The following PRDM10 variants were observed in gnomAD, a reference collection of about 807,000 sequenced individuals.
The protein encoded by PRDM10 is PR/SET domain 10.
PRDM10 carries 65 observed loss-of-function variants against 133.1 expected under a neutral mutation model. That is an observed-to-expected ratio of 0.49 (90% CI 0.40 to 0.60). PRDM10 has a LOEUF of 0.60. PRDM10 is among the 20% of genes least tolerant of loss of function. The pLI, the probability that PRDM10 is intolerant of heterozygous loss-of-function variation, is 0.00. For synonymous variants in PRDM10, 582 were observed against 580.4 expected (o/e 1.00, Z -0.04); for missense variants, 1,137 against 1,507.1 (o/e 0.75, Z 4.07).
In PRDM10 at chr11:129,932,185, C is replaced by T; in HGVS notation, c.1204G>A (p.Gly402Ser). The T allele has an allele frequency of 6.2e-7, 1 of 1,614,138 alleles. No individual in the cohort carries two copies. Among genetic ancestry groups the T allele is most frequent in the South Asian group, 1.1e-5 (1 of 91,076 alleles). ...TTTGGAGGACGCCCCGGCCGTCGAC[C>T]TGGACCGAATCGCCTCTTGCCTCGT... ...RGRGKRRFGP[G>S]RRPGRPPKFI... The change falls in exon 10 of 21, where the codon GGT becomes AGT. Residue 402 changes from glycine to serine, a missense_variant. Transcript: ENST00000360871.
Position 129,945,403 on chromosome 11 carries a change from T to C in PRDM10, c.521-391A>G, listed in dbSNP as rs1352896768. The stretch of plus-strand genomic sequence containing the variant: ...ATAGGTGAATTTTATAGTATGCCCA[T>C]TATCTCAATAAAACTATTCCGGGGC... On this transcript the variant is annotated intron_variant, in intron 5 of 20. Transcript: ENST00000360871. The surrounding 1 kb of genome is among the most constrained non-coding windows in gnomAD (Gnocchi z 4.2). 1.3e-5 allele frequency among the ~76,000 whole-genome samples: 2 copies of C among 152,204 alleles called. No individual in the cohort carries two copies. The highest frequency in any genetic ancestry group is 2.4e-5 in the African/African-American group (1 of 41,446).
intron 1 of PRDM10, among the ~76,000 whole-genome samples, chr11:129,989,194 C>T (rs1938595029): frequency 1.3e-5 from 2 of 151,972 alleles, no homozygotes; most frequent in African/African-American, 4.8e-5. Flanking sequence ...AATCCCAGCA[C>T]TTTGGGAGGC....
chr11:129,947,229 C>T lies in PRDM10; in HGVS notation c.436G>A (p.Glu146Lys). The T allele has an allele frequency of 6.2e-7, 1 of 1,614,174 alleles. No homozygotes were observed. Among genetic ancestry groups the T allele is most frequent in the South Asian group, 1.1e-5 (1 of 91,082 alleles). ...TCCTCACCGTCTTCTTCCTCATCTT[C>T]CTCAGTGTCCTCGTCCTCATCCTCA... ...EDEDEDEDTE[E>K]DEEEDGEDTD... is the part of the protein sequence containing the mutation. Residue 146 changes from glutamate (E) to lysine (K), a missense_variant, in exon 5 of 21, where the codon GAA (glutamate) becomes AAA (lysine). By Grantham distance (56) the Glu-to-Lys change is moderately conservative. Coordinates refer to ENST00000360871, the MANE Select transcript of PRDM10 (RefSeq NM_199437.2). The surrounding 1 kb of genome is among the most constrained non-coding windows in gnomAD (Gnocchi z 4.6).
chr11:129,963,071 T>A lies in PRDM10; in HGVS notation c.-118-1989A>T, dbSNP rs1217463617. Among the ~76,000 whole-genome samples the A allele has an allele frequency of 2.7e-4, 41 of 149,636 alleles. 1 individual carries two copies. Among genetic ancestry groups the A allele is most frequent in the Admixed American group, 2.6e-3 (39 of 14,956 alleles). On this transcript the variant is annotated intron_variant, in intron 1 of 20. Transcript: ENST00000360871. ...GTCTGAGGTGGAAGGATCGCTTGAG[T>A]CTGGGAGGCGGAGGTTACAGTGAGC...
At chr11:129,914,465 C>G in intron 17 of PRDM10, 2 of 598,456 alleles carry the variant, frequency 3.3e-6, no homozygotes, top group Non-Finnish European at 6.0e-6. Context: ...TGCCACAGCA[C>G]AGGAGGCTTG....
chr11:129,905,865 G>A, intron 19 of PRDM10, 124 bp from the exon 20 acceptor site: 1 of 799,596 alleles, frequency 1.3e-6, no homozygotes, highest in African/African-American at 1.7e-5. Flanking sequence ...TCACAATGAT[G>A]TGATTTCTTG....
At chr11:129,974,772 G>A (rs539082477) in intron 1 of PRDM10, among the ~76,000 whole-genome samples, 13 of 152,284 alleles carry the variant, frequency 8.5e-5, no homozygotes, top group South Asian at 6.2e-4. Context: ...AAATGCCAAC[G>A]GTGCCCATCC....
rs145915939 is a variant in PRDM10, at chr11:129,915,771, G to A, written c.2415C>T (p.Pro805=). ...ELPPSIRKLR[P]AGPGEPDPML... is the part of the protein sequence containing the mutation. ...TGGGGTCTGGCTCTCCAGGACCAGC[G>A]GGTCGGAGCTTCCGAATGCTCGGTG... The change falls in exon 16 of 21, where the codon CCC becomes CCT. Residue 805 remains proline (P), a synonymous_variant. Coordinates refer to ENST00000360871, the MANE Select transcript of PRDM10 (RefSeq NM_199437.2). 26 of 1,614,206 alleles carry A rather than the reference G, an allele frequency of 1.6e-5. No homozygotes were observed. Among genetic ancestry groups the A allele is most frequent in the Non-Finnish European group, 1.9e-5 (23 of 1,180,048 alleles).
At chr11:130,002,114 C>T (rs949742258) in intron 1 of PRDM10, among the ~76,000 whole-genome samples, 10 of 150,678 alleles carry the variant, frequency 6.6e-5, no homozygotes, top group Non-Finnish European at 1.3e-4. Context: ...GCCCCGGAGC[C>T]CTGCCCGCAC....
intron 1 of PRDM10, among the ~76,000 whole-genome samples, chr11:129,994,809 G>A (rs890128618): frequency 5.3e-5 from 8 of 151,710 alleles, no homozygotes; most frequent in Admixed American, 1.3e-4. Context: ...CCACCACCAT[G>A]CCCGGCTAAT....
chr11:130,000,534 A>T lies in PRDM10; in HGVS notation c.-119+2188T>A, dbSNP rs141669393. On this transcript the variant is annotated intron_variant, in intron 1 of 20. Transcript: ENST00000360871. ...GAAGACAGGAACCTTGCTTTTTCTA[A>T]AATATATACTCAATTACATTGACAT... Among the ~76,000 whole-genome samples the T allele has an allele frequency of 3.0e-3, 463 of 152,338 alleles. 3 individuals carry two copies. The highest frequency in any genetic ancestry group is 0.01 in the African/African-American group (433 of 41,576).
At chr11:129,969,142 C>G (rs1951965197) in intron 1 of PRDM10, among the ~76,000 whole-genome samples, 1 of 152,242 alleles carries the variant, frequency 6.6e-6, no homozygotes, top group Non-Finnish European at 1.5e-5. Context: ...GCCTGATACA[C>G]AAGCAATTGC....
chr11:129,923,693 A>AGAGAGAGAGAGAGAGC lies in PRDM10; in HGVS notation c.1879-291_1879-290insGCTCTCTCTCTCTCTC, dbSNP rs1491447398. ...GAGAGAGAGAGAGAGAGAGAGAGAG[A>AGAGAGAGAGAGAGAGC]GTGCTTGCTTGGTCAAAGCCCTGAT... On this transcript the variant is annotated intron_variant, in intron 12 of 20. Coordinates refer to ENST00000360871, the MANE Select transcript of PRDM10 (RefSeq NM_199437.2). The surrounding 1 kb of genome is among the most constrained non-coding windows in gnomAD (Gnocchi z 4.4). 5.2e-5 allele frequency among the ~76,000 whole-genome samples: 7 copies of AGAGAGAGAGAGAGAGC among 135,674 alleles called. No individual in the cohort carries two copies. The highest frequency in any genetic ancestry group is 4.6e-4 in the South Asian group (2 of 4,326). The allele number at this position is 135,674 out of a possible 152,430, so 89.0% of individuals were successfully genotyped here. A position where few individuals can be genotyped will look rare whatever the true frequency, so the allele number is the denominator to read the frequency against.
At chr11:129,937,797 A>G (rs1951080322) in intron 7 of PRDM10, 127 bp from the exon 8 acceptor site, 2 of 760,098 alleles carry the variant, frequency 2.6e-6, no homozygotes, top group Non-Finnish European at 4.1e-6. Flanking sequence ...AATGGAAAAA[A>G]AGATCATGCT....
At chr11:129,974,780 T>A (rs1312640557) in intron 1 of PRDM10, among the ~76,000 whole-genome samples, 1 of 152,128 alleles carries the variant, frequency 6.6e-6, no homozygotes, top group African/African-American at 2.4e-5. Context: ...ACGGTGCCCA[T>A]CCATTGAGGA....
chr11:129,939,019 C>G (rs747334528), intron 7 of PRDM10, among the ~76,000 whole-genome samples: 1 of 152,184 alleles, frequency 6.6e-6, no homozygotes, highest in East Asian at 1.9e-4. Context: ...TAGTGCTGGC[C>G]CCATTCCATA....
rs1950580581 is a variant in PRDM10 at position 129,923,641 on chromosome 11, C to CGGGAGA, written c.1879-239_1879-238insTCTCCC. ...TCCGAACCTCCCCGATGACTTGAAA[C>CGGGAGA]GTGAGAGAGAGAGAGAGAGAGAGAG... On this transcript the variant is annotated intron_variant, in intron 12 of 20. Transcript: ENST00000360871. This position sits in a 1 kb window ranked among gnomAD's most constrained non-coding sequence, Gnocchi z 4.4. Among the ~76,000 whole-genome samples, 1 of 44,252 alleles carries CGGGAGA rather than the reference C, an allele frequency of 2.3e-5. No homozygotes were observed. Among genetic ancestry groups the CGGGAGA allele is most frequent in the Non-Finnish European group, 3.7e-5 (1 of 26,810 alleles). 29.0% of individuals were successfully genotyped at this position (44,252 alleles called of 152,430 possible). A position where few individuals can be genotyped will look rare whatever the true frequency, so the allele number is the denominator to read the frequency against.
chr11:130,000,099 A>G (rs1400657481), intron 1 of PRDM10, among the ~76,000 whole-genome samples: 3 of 146,716 alleles, frequency 2.0e-5, no homozygotes, highest in African/African-American at 5.1e-5. Flanking sequence ...GCTGGAGTGC[A>G]ATGGCCCGAT....
intron 1 of PRDM10, among the ~76,000 whole-genome samples, chr11:130,000,572 T>A (rs760316597): frequency 3.3e-5 from 5 of 152,220 alleles, no homozygotes; most frequent in Non-Finnish European, 7.3e-5. Context: ...AATATATGAT[T>A]AATATGTGGT....
Sources: allele counts gnomAD v4.1 joint callset (sites outside exome capture counted in the v4.1 genomes callset), GRCh38; gene constraint gnomAD v4.1.1; non-coding constraint Gnocchi (gnomAD v3.1); transcripts MANE v1.5; gene names NCBI Gene and HGNC (gene_info 2026-07-23, HGNC 2026-07-21).